Variants in NTHL1 observed in about 807,000 individuals in gnomAD.
NTHL1 encodes nth like DNA glycosylase 1, also known as endonuclease III-like protein 1.
Under a neutral mutation model 32.3 loss-of-function variants are expected in NTHL1, and 32 were observed. The ratio of observed to expected loss-of-function variants is 0.99; its 90% CI spans 0.75 to 1.33. NTHL1 has a LOEUF of 1.33. Ranked by LOEUF, NTHL1 falls within the 40% of genes most tolerant of loss-of-function variation. The pLI, the probability that NTHL1 is intolerant of heterozygous loss-of-function variation, is 0.00. For missense variants in NTHL1, 501 were observed against 414.1 expected, an observed-to-expected ratio of 1.21 and a Z score of -1.82; for synonymous variants, 188 against 176.9, an observed-to-expected ratio of 1.06 and a Z score of -0.50.
intron 2 of NTHL1, among the ~76,000 whole-genome samples, chr16:2,045,430 C>T (rs7191464): frequency 0.049 from 7,481 of 152,188 alleles, 226 homozygotes; most frequent in Middle Eastern, 0.11. Context: ...CATCACACTA[C>T]CCTTTAAAAC....
rs2084310780 is a variant in NTHL1, at chr16:2,044,292, A to G, written c.525+338T>C. 6.6e-6 allele frequency among the ~76,000 whole-genome samples: 1 copy of G among 151,978 alleles called. No individual in the cohort carries two copies. Among genetic ancestry groups the G allele is most frequent in the Admixed American group, 6.6e-5 (1 of 15,260 alleles). On this transcript the variant is annotated intron_variant, in intron 3 of 5. Coordinates refer to ENST00000651570, the MANE Select transcript of NTHL1 (RefSeq NM_002528.7). The surrounding 1 kb of genome is among the most constrained non-coding windows in gnomAD (Gnocchi z 5.0). ...GCCTCCCCAGGGCTCCTGGAGGGTG[A>G]GGGGCTCTGGACAGGAGGGGGTGAC...
rs1462499495 is a variant in NTHL1 at position 2,039,921 on chromosome 16, C to A, written c.*3G>T. ...CGGCACCTCGGCCAGAGCCATGCGG[C>A]CATCAGAGACCCTGGGCGGCCGGGC... On this transcript the variant is annotated 3_prime_UTR_variant, in exon 6 of 6. Coordinates refer to ENST00000651570, the MANE Select transcript of NTHL1 (RefSeq NM_002528.7). 6.2e-7 allele frequency: 1 copy of A among 1,601,220 alleles called. No homozygotes were observed. Among genetic ancestry groups the A allele is most frequent in the South Asian group, 1.1e-5 (1 of 91,066 alleles).
chr16:2,043,847 G>A lies in NTHL1; in HGVS notation c.526-121C>T. On this transcript the variant is annotated intron_variant, in intron 3 of 5. Coordinates refer to ENST00000651570, the MANE Select transcript of NTHL1 (RefSeq NM_002528.7). The surrounding 1 kb of genome is among the most constrained non-coding windows in gnomAD (Gnocchi z 4.4). ...CTGCACCTGCTGAGGACGTGTGCAAGCTCAGCCCCCGCCCCCCAGGAGGCG... is the reference window on the plus strand; with the variant it reads ...CTGCACCTGCTGAGGACGTGTGCAAACTCAGCCCCCGCCCCCCAGGAGGCG... 1 of 1,199,060 alleles carries A rather than the reference G, an allele frequency of 8.3e-7. No homozygotes were observed. The highest frequency in any genetic ancestry group is 1.2e-6 in the Non-Finnish European group (1 of 837,802). The allele number at this position is 1,199,060 out of a possible 1,614,324, so 74.3% of individuals were successfully genotyped here.
Position 2,047,740 on chromosome 16 carries a change from G to A in NTHL1, c.84C>T (p.Pro28=), listed in dbSNP as rs1297384015. The A allele has an allele frequency of 1.3e-6, 2 of 1,585,340 alleles. No homozygotes were observed. Among genetic ancestry groups the A allele is most frequent in the Non-Finnish European group, 8.5e-7 (1 of 1,172,006 alleles). Residue 28 remains proline (P), a synonymous_variant, in exon 1 of 6, where the codon CCC becomes CCT. Transcript: ENST00000651570. ...CAGCCTCTCTTCTCCGGAGAGGCCC[G>A]GGCTCCTCCCTACACCCCCGCGGCC... is the stretch of plus-strand genomic sequence containing the variant. The part of the protein sequence containing the change: ...GAGPRGCREE[P]GPLRRREAAA...
At chr16:2,040,109 A>T in intron 5 of NTHL1, 24 bp downstream of exon 5, 2 of 1,612,792 alleles carry the variant, frequency 1.2e-6, no homozygotes, top group Non-Finnish European at 1.7e-6. Context: ...TCTTCTCCCT[A>T]GGAAGCCCCC....
In NTHL1 at chr16:2,044,817, A is replaced by G. The variant is rs2084320681; in HGVS notation, c.355-17T>C. Reference sequence around the variant, plus strand: ...CCTGCGTACCTGCTTGTGCAGTGACAGGGACCGGGGTGGCGGCGGGTCCTG... The same window carrying G: ...CCTGCGTACCTGCTTGTGCAGTGACGGGGACCGGGGTGGCGGCGGGTCCTG... On this transcript the variant is annotated splice_polypyrimidine_tract_variant and intron_variant, in intron 2 of 5. Transcript: ENST00000651570. The surrounding 1 kb of genome is among the most constrained non-coding windows in gnomAD (Gnocchi z 5.0). 6.3e-7 allele frequency: 1 copy of G among 1,585,224 alleles called. No homozygotes were observed. Among genetic ancestry groups the G allele is most frequent in the Non-Finnish European group, 8.6e-7 (1 of 1,164,262 alleles).
Position 2,046,133 on chromosome 16 carries a change from G to A in NTHL1, c.349C>T (p.Pro117Ser), listed in dbSNP as rs149277519. 182 of 1,611,780 alleles carry A rather than the reference G, an allele frequency of 1.1e-4. No homozygotes were observed. The highest frequency in any genetic ancestry group is 1.5e-4 in the Non-Finnish European group (171 of 1,179,026). Residue 117 changes from proline to serine, a missense_variant, in exon 2 of 6, where the codon CCA (proline) becomes TCA (serine). Coordinates refer to ENST00000651570, the MANE Select transcript of NTHL1 (RefSeq NM_002528.7). Reference sequence around the variant, plus strand: ...CAGATGGGGCCCCTGCCTACCTTTGGGGGGGCACTGGAGTCATAGCAGTGC... The same window carrying A: ...CAGATGGGGCCCCTGCCTACCTTTGAGGGGGCACTGGAGTCATAGCAGTGC... ...TEHCYDSSAP[P>S]KVRRYQVLLS...
Position 2,043,698 on chromosome 16 carries a change from C to G in NTHL1, c.554G>C (p.Ser185Thr), listed in dbSNP as rs767203248. The change falls in exon 4 of 6, where the codon AGC (serine) becomes ACC (threonine). Residue 185 changes from serine to threonine, a missense_variant. By Grantham distance (58) the Ser-to-Thr change is moderately conservative. Coordinates refer to ENST00000651570, the MANE Select transcript of NTHL1 (RefSeq NM_002528.7). The surrounding 1 kb of genome is among the most constrained non-coding windows in gnomAD (Gnocchi z 4.4). ...ACCGTAGTGCTGCTGCAGGATGGCG[C>G]TGGTCTGCTTGATGTATTTCACCTT... ...RSKVKYIKQTSAILQQHYGGD... is the reference protein window; with the variant it reads ...RSKVKYIKQTTAILQQHYGGD... 3 of 1,612,046 alleles carry G rather than the reference C, an allele frequency of 1.9e-6. No homozygotes were observed.
intron 2 of NTHL1, among the ~76,000 whole-genome samples, chr16:2,045,318 C>G (rs555660935): frequency 6.6e-6 from 1 of 152,062 alleles, no homozygotes; most frequent in African/African-American, 2.4e-5. Context: ...GCCTGGGCAA[C>G]AAGAGCAAGA....
Position 2,046,389 on chromosome 16 carries a change from C to T in NTHL1, c.116-23G>A, listed in dbSNP as rs772351519. 2.5e-6 allele frequency: 4 copies of T among 1,595,476 alleles called. No individual in the cohort carries two copies. In the South Asian group the frequency reaches 4.4e-5, roughly 18 times the overall value. On this transcript the variant is annotated intron_variant, in intron 1 of 5. Coordinates refer to ENST00000651570, the MANE Select transcript of NTHL1 (RefSeq NM_002528.7). ...CTTCTGCAAAAAGCACCACGCAGTC[C>T]CTCTGGTGGGGCCACAGGTGAAGGT...
rs145644817 is a variant in NTHL1 at position 2,046,207 on chromosome 16, C to T, written c.275G>A (p.Arg92His). 3.2e-5 allele frequency: 52 copies of T among 1,613,112 alleles called. No individual in the cohort carries two copies. The African/African-American group carries it at 4.3e-4, about 13-fold the overall frequency. The change falls in exon 2 of 6, where the codon CGT becomes CAT. Residue 92 changes from arginine to histidine, a missense_variant. Arg to His is a conservative substitution (Grantham distance 29). Transcript: ENST00000651570. ...QDWQQQLVNI[R>H]AMRNKKDAPV... ...TGCATCCTTTTTGTTCCTCATGGCA[C>T]GGATGTTGACCAGCTGTTGCTGCCA... is the stretch of plus-strand genomic sequence containing the variant.
rs147559648 is a variant in NTHL1, at chr16:2,040,212, C to T, written c.712G>A (p.Ala238Thr). 161 of 1,613,762 alleles carry T rather than the reference C, an allele frequency of 1.0e-4. No homozygotes were observed. In the African/African-American group the frequency reaches 1.4e-3, roughly 14 times the overall value. ...TTCTTGGTCCACCTCAGCCTGTTGG[C>T]GATTCTGTGCACATGCGTGTCCACT... ...IAVDTHVHRIANRLRWTKKAT... is the reference protein window; with the variant it reads ...IAVDTHVHRITNRLRWTKKAT... Residue 238 changes from alanine to threonine, a missense_variant, in exon 5 of 6, where the codon GCC becomes ACC. By Grantham distance (58) the Ala-to-Thr change is moderately conservative. Transcript: ENST00000651570.
chr16:2,047,813 A>C lies in NTHL1; in HGVS notation c.11T>G (p.Leu4Trp). ...GCTCCGGGTCAGCATCCTCGCGCTC[A>C]AGGCGGTCATGCCGGACTCCTGCGG... The part of the protein sequence containing the change: MTA[L>W]SARMLTRSRS... Residue 4 changes from leucine to tryptophan, a missense_variant, in exon 1 of 6, where the codon TTG becomes TGG. By Grantham distance (61) the Leu-to-Trp change is moderately conservative (BLOSUM62 -2). Coordinates refer to ENST00000651570, the MANE Select transcript of NTHL1 (RefSeq NM_002528.7). 1 of 1,593,608 alleles carries C rather than the reference A, an allele frequency of 6.3e-7. No homozygotes were observed. The highest frequency in any genetic ancestry group is 8.5e-7 in the Non-Finnish European group (1 of 1,175,220).
chr16:2,046,104 TG>T (rs2150944516), intron 2 of NTHL1, 23 bp downstream of exon 2: 2 of 1,592,144 alleles, frequency 1.3e-6, no homozygotes, highest in Non-Finnish European at 1.7e-6. Flanking sequence ...GGGGGTCATC[TG>T]GGCAGATGGG....
Position 2,043,971 on chromosome 16 carries a change from C to G in NTHL1, c.526-245G>C. 2 of 547,508 alleles carry G rather than the reference C, an allele frequency of 3.7e-6. No homozygotes were observed. The highest frequency in any genetic ancestry group is 3.3e-6 in the Non-Finnish European group (1 of 303,038). The allele number at this position is 547,508 out of a possible 1,614,324, so 33.9% of individuals were successfully genotyped here. ...GCACGTGTAGGCTCTGGCTGGGGTT[C>G]CCCTGCCCGTCATTCCCTGCCAGCA... On this transcript the variant is annotated intron_variant, in intron 3 of 5. Transcript: ENST00000651570. This position sits in a 1 kb window ranked among gnomAD's most constrained non-coding sequence, Gnocchi z 4.4.
chr16:2,043,147 T>G lies in NTHL1; in HGVS notation c.685+420A>C, dbSNP rs1225951406. Among the ~76,000 whole-genome samples, 1 of 151,246 alleles carries G rather than the reference T, an allele frequency of 6.6e-6. No individual in the cohort carries two copies. Among genetic ancestry groups the G allele is most frequent in the Non-Finnish European group, 1.5e-5 (1 of 67,842 alleles). On this transcript the variant is annotated intron_variant, in intron 4 of 5. Coordinates refer to ENST00000651570, the MANE Select transcript of NTHL1 (RefSeq NM_002528.7). The surrounding 1 kb of genome is among the most constrained non-coding windows in gnomAD (Gnocchi z 4.4). ...TCTGCTGGGAACACACTTCCTCCTC[T>G]TGGCCTGGCTCACCCCACCTTGCTC...
chr16:2,047,733 G>A lies in NTHL1; in HGVS notation c.91C>T (p.Leu31Phe), dbSNP rs1259870849. 8 of 1,584,778 alleles carry A rather than the reference G, an allele frequency of 5.0e-6. No homozygotes were observed. Among genetic ancestry groups the A allele is most frequent in the African/African-American group, 1.3e-5 (1 of 74,310 alleles). The change falls in exon 1 of 6, where the codon CTC becomes TTC. Residue 31 changes from leucine to phenylalanine, a missense_variant. Transcript: ENST00000651570. ...PRGCREEPGP[L>F]RRREAAAEAR... ...CCTGCTGCAGCCTCTCTTCTCCGGA[G>A]AGGCCCGGGCTCCTCCCTACACCCC...
chr16:2,044,911 T>C lies in NTHL1; in HGVS notation c.355-111A>G. Reference sequence around the variant, plus strand: ...CTGGTTTGTTGCCCTGGGCCACACTTGAGGCATCAGCCTCCCCCTGTGGGG... The same window carrying C: ...CTGGTTTGTTGCCCTGGGCCACACTCGAGGCATCAGCCTCCCCCTGTGGGG... On this transcript the variant is annotated intron_variant, in intron 2 of 5. Transcript: ENST00000651570. This position sits in a 1 kb window ranked among gnomAD's most constrained non-coding sequence, Gnocchi z 5.0. 7.8e-7 allele frequency: 1 copy of C among 1,277,816 alleles called. No individual in the cohort carries two copies. Among genetic ancestry groups the C allele is most frequent in the Non-Finnish European group, 1.1e-6 (1 of 939,058 alleles). The allele number at this position is 1,277,816 out of a possible 1,614,324, so 79.2% of individuals were successfully genotyped here. A position where few individuals can be genotyped will look rare whatever the true frequency, so the allele number is the denominator to read the frequency against.
Position 2,044,940 on chromosome 16 carries a change from G to A in NTHL1, c.355-140C>T, listed in dbSNP as rs544052947. On this transcript the variant is annotated intron_variant, in intron 2 of 5. Transcript: ENST00000651570. The surrounding 1 kb of genome is among the most constrained non-coding windows in gnomAD (Gnocchi z 5.0). Reference sequence around the variant, plus strand: ...GCATCAGCCTCCCCCTGTGGGGTGGGGAGGTCTGGTTTGGGTATGTTTGGT... The same window carrying A: ...GCATCAGCCTCCCCCTGTGGGGTGGAGAGGTCTGGTTTGGGTATGTTTGGT... The A allele has an allele frequency of 1.2e-5, 12 of 966,092 alleles. No homozygotes were observed. The East Asian group carries it at 3.2e-4, about 26-fold the overall frequency. 59.8% of individuals were successfully genotyped at this position (966,092 alleles called of 1,614,324 possible).
Sources: allele counts gnomAD v4.1 joint callset (sites outside exome capture counted in the v4.1 genomes callset), GRCh38; gene constraint gnomAD v4.1.1; non-coding constraint Gnocchi (gnomAD v3.1); transcripts MANE v1.5; gene names NCBI Gene and HGNC (gene_info 2026-07-23, HGNC 2026-07-21).